Variants in YIPF4 observed in about 807,000 individuals in gnomAD.
YIPF4 encodes the protein protein YIPF4.
A neutral mutation model predicts 29.4 loss-of-function variants in YIPF4; 18 were observed. The ratio of observed to expected loss-of-function variants is 0.61; its 90% confidence interval spans 0.42 to 0.91. The LOEUF (loss-of-function observed/expected upper bound fraction) is 0.91. Ranked by LOEUF, YIPF4 falls within the 40% of genes least tolerant of loss-of-function variation. The pLI is 0.00. For synonymous variants in YIPF4, 115 were observed against 104.7 expected (o/e 1.10, Z -0.60); for missense variants, 279 against 282.7 (o/e 0.99, Z 0.09).
chr2:32,310,097 C>T lies in YIPF4; in HGVS notation c.*4471C>T, dbSNP rs980513805. 6.6e-6 allele frequency: 1 copy of T among 152,242 alleles called. No individual in the cohort carries two copies. The highest frequency in any genetic ancestry group is 2.4e-5 in the African/African-American group (1 of 41,468). 9.4% of individuals were successfully genotyped at this position (152,242 alleles called of 1,614,324 possible). On this transcript the variant is annotated 3_prime_UTR_variant, in exon 6 of 6. Transcript: ENST00000238831. The stretch of plus-strand genomic sequence containing the variant: ...CTAAAAATCACCCTTACCCAATTCT[C>T]TGCACTGACATATGTACACAAAGTA...
intron 3 of YIPF4, among the ~76,000 whole-genome samples, chr2:32,292,951 C>A (rs1381119875): frequency 2.0e-5 from 3 of 151,056 alleles, no homozygotes; most frequent in Admixed American, 2.0e-4. Flanking sequence ...GACCAGAAGT[C>A]ACTAGAAGGT....
intron 3 of YIPF4, among the ~76,000 whole-genome samples, chr2:32,293,113 T>G (rs546124420): frequency 0.016 from 2,444 of 151,904 alleles, 51 homozygotes; most frequent in African/African-American, 0.057. Context: ...TCTTGGGTGT[T>G]TCTCGCAGAG....
intron 2 of YIPF4, among the ~76,000 whole-genome samples, chr2:32,291,377 A>G (rs899959986): frequency 1.3e-5 from 2 of 152,200 alleles, no homozygotes; most frequent in Admixed American, 1.3e-4. Flanking sequence ...TCTACTAAAA[A>G]TACAAAAAAA....
intron 1 of YIPF4, among the ~76,000 whole-genome samples, chr2:32,290,259 C>CGTTTTTTCACTT (rs2030851587): frequency 6.6e-6 from 1 of 152,058 alleles, no homozygotes; most frequent in South Asian, 2.1e-4. Context: ...AGCTGTGAAA[C>CGTTTTTTCACTT]CTTTTGTACG....
chr2:32,301,193 T>C (rs2031391543), intron 4 of YIPF4, among the ~76,000 whole-genome samples, 189 bp from the exon 5 acceptor site: 1 of 152,224 alleles, frequency 6.6e-6, no homozygotes, highest in Non-Finnish European at 1.5e-5. Flanking sequence ...GAAACCATGT[T>C]GGTTGGTGAG....
Position 32,306,239 on chromosome 2 carries a change from G to T in YIPF4, c.*613G>T, listed in dbSNP as rs2031578067. 2 of 929,492 alleles carry T rather than the reference G, an allele frequency of 2.2e-6. No homozygotes were observed. The allele number at this position is 929,492 out of a possible 1,614,324, so 57.6% of individuals were successfully genotyped here. A position where few individuals can be genotyped will look rare whatever the true frequency, so the allele number is the denominator to read the frequency against. On this transcript the variant is annotated 3_prime_UTR_variant, in exon 6 of 6. Coordinates refer to ENST00000238831, the MANE Select transcript of YIPF4 (RefSeq NM_032312.4). ...CTCACACATGCTTCGATACTTCCTT[G>T]TTAAGAATTCTTAATAACTACTAAA...
rs902837069 is a variant in YIPF4 at position 32,312,329 on chromosome 2, A to T, written c.*6703A>T. ...CGGTGAAACCCTGACTCTACTAAAA[A>T]TACCAAAAATTAGCCGGGCGTGGCA... On this transcript the variant is annotated 3_prime_UTR_variant, in exon 6 of 6. Transcript: ENST00000238831. 6.6e-5 allele frequency: 10 copies of T among 151,440 alleles called. No homozygotes were observed. Among genetic ancestry groups the T allele is most frequent in the African/African-American group, 2.4e-4 (10 of 41,166 alleles). 9.4% of individuals were successfully genotyped at this position (151,440 alleles called of 1,614,324 possible).
rs2031838844 is a variant in YIPF4 at position 32,316,539 on chromosome 2, G to A, written c.*10913G>A. 1 of 152,130 alleles carries A rather than the reference G, an allele frequency of 6.6e-6. No homozygotes were observed. Among genetic ancestry groups the A allele is most frequent in the Non-Finnish European group, 1.5e-5 (1 of 68,038 alleles). 9.4% of individuals were successfully genotyped at this position (152,130 alleles called of 1,614,324 possible). A position where few individuals can be genotyped will look rare whatever the true frequency, so the allele number is the denominator to read the frequency against. ...CTATTGAAATGCATCTGTGTCAATG[G>A]TAAATAGTATTATTGTAAGTACAAC... is the stretch of plus-strand genomic sequence containing the variant. On this transcript the variant is annotated 3_prime_UTR_variant, in exon 6 of 6. Coordinates refer to ENST00000238831, the MANE Select transcript of YIPF4 (RefSeq NM_032312.4).
intron 1 of YIPF4, among the ~76,000 whole-genome samples, chr2:32,282,933 C>CGGG (rs1376876595): frequency 6.6e-6 from 1 of 151,408 alleles, no homozygotes; most frequent in Non-Finnish European, 1.5e-5. Flanking sequence ...AAAAATTAGC[C>CGGG]GGGGGTGGTG....
rs895778746 is a variant in YIPF4, at chr2:32,314,683, TAAAA to T, written c.*9061_*9064del. 9.9e-5 allele frequency: 15 copies of T among 151,654 alleles called. No homozygotes were observed. Among genetic ancestry groups the T allele is most frequent in the African/African-American group, 2.9e-4 (12 of 41,366 alleles). The allele number at this position is 151,654 out of a possible 1,614,324, so 9.4% of individuals were successfully genotyped here. On this transcript the variant is annotated 3_prime_UTR_variant, in exon 6 of 6. Transcript: ENST00000238831. ...AGCAAAACTTCGTCTCAAAAAAAAA[TAAAA>T]AAATAAGGCTCCAAGCGCTGTTGTG... is the stretch of plus-strand genomic sequence containing the variant.
chr2:32,305,694 G>A lies in YIPF4; in HGVS notation c.*68G>A. 1 of 1,346,812 alleles carries A rather than the reference G, an allele frequency of 7.4e-7. No individual in the cohort carries two copies. The highest frequency in any genetic ancestry group is 9.6e-7 in the Non-Finnish European group (1 of 1,045,340). The allele number at this position is 1,346,812 out of a possible 1,614,324, so 83.4% of individuals were successfully genotyped here. ...GTGTAGGCTGGGAATTCTTGCTGAAGGAATTGGAGAAAACCTGTTGCTGCA... is the reference window on the plus strand; with the variant it reads ...GTGTAGGCTGGGAATTCTTGCTGAAAGAATTGGAGAAAACCTGTTGCTGCA... On this transcript the variant is annotated 3_prime_UTR_variant, in exon 6 of 6. Transcript: ENST00000238831.
intron 3 of YIPF4, among the ~76,000 whole-genome samples, chr2:32,293,936 G>T (rs1345865780): frequency 1.7e-4 from 23 of 137,920 alleles, no homozygotes; most frequent in Admixed American, 8.5e-4. Context: ...CTGGCCGGGC[G>T]GGGGGCTGAC....
chr2:32,314,141 T>A lies in YIPF4; in HGVS notation c.*8515T>A, dbSNP rs1000772176. On this transcript the variant is annotated 3_prime_UTR_variant, in exon 6 of 6. Coordinates refer to ENST00000238831, the MANE Select transcript of YIPF4 (RefSeq NM_032312.4). ...ATTCAAATAGCCAAAAACGGGAACA[T>A]GTCCATCAACACAGAATAGACAAGT... The A allele has an allele frequency of 2.6e-5, 4 of 152,230 alleles. No individual in the cohort carries two copies. The highest frequency in any genetic ancestry group is 4.8e-5 in the African/African-American group (2 of 41,454). 9.4% of individuals were successfully genotyped at this position (152,230 alleles called of 1,614,324 possible). A position where few individuals can be genotyped will look rare whatever the true frequency, so the allele number is the denominator to read the frequency against.
chr2:32,288,998 A>G (rs1250128532), intron 1 of YIPF4, among the ~76,000 whole-genome samples: 1 of 152,144 alleles, frequency 6.6e-6, no homozygotes, highest in Non-Finnish European at 1.5e-5. Context: ...CTTTGTATCT[A>G]TTAGAAATAG....
chr2:32,291,268 C>T (rs1041603094), intron 2 of YIPF4, among the ~76,000 whole-genome samples: 2 of 152,226 alleles, frequency 1.3e-5, no homozygotes, highest in Non-Finnish European at 2.9e-5. Context: ...GGCATAGTGG[C>T]CCACGCCAGT....
intron 3 of YIPF4, among the ~76,000 whole-genome samples, chr2:32,295,349 C>G (rs1329981320): frequency 1.3e-5 from 2 of 152,136 alleles, no homozygotes; most frequent in Non-Finnish European, 2.9e-5. Flanking sequence ...TAAACTGCTA[C>G]AAGCTTAGTG....
Position 32,305,578 on chromosome 2 carries a change from A to G in YIPF4, c.687A>G (p.Pro229=), listed in dbSNP as rs150598541. The change falls in exon 6 of 6, where the codon CCA becomes CCG. Residue 229 remains proline, a synonymous_variant. Transcript: ENST00000238831. ...CCAAAAAGCCTCTTCTGATTTATCCAATCTTTTTATTATACATTTATTTTT... is the reference window on the plus strand; with the variant it reads ...CCAAAAAGCCTCTTCTGATTTATCCGATCTTTTTATTATACATTTATTTTT... ...FKTKKPLLIY[P]IFLLYIYFLS... is the part of the protein sequence containing the mutation. 653 of 1,609,098 alleles carry G rather than the reference A, an allele frequency of 4.1e-4. 12 individuals carry two copies. The East Asian group carries it at 0.012, about 30-fold the overall frequency.
rs952281992 is a variant in YIPF4, at chr2:32,307,939, A to C, written c.*2313A>C. 6.6e-6 allele frequency: 1 copy of C among 151,236 alleles called. No individual in the cohort carries two copies. Among genetic ancestry groups the C allele is most frequent in the African/African-American group, 2.4e-5 (1 of 41,216 alleles). The allele number at this position is 151,236 out of a possible 1,614,324, so 9.4% of individuals were successfully genotyped here. A position where few individuals can be genotyped will look rare whatever the true frequency, so the allele number is the denominator to read the frequency against. On this transcript the variant is annotated 3_prime_UTR_variant, in exon 6 of 6. Coordinates refer to ENST00000238831, the MANE Select transcript of YIPF4 (RefSeq NM_032312.4). ...GAGCAAGACTCTCTCAAAAAAAAAA[A>C]AAAAAAAAAAAAAAACCATGATTTG...
chr2:32,291,208 G>C (rs552434978), intron 2 of YIPF4, among the ~76,000 whole-genome samples: 92 of 152,324 alleles, frequency 6.0e-4, no homozygotes, highest in African/African-American at 2.1e-3. Context: ...AGTAGAGTAA[G>C]TGCTGAAACA....
Sources: allele counts gnomAD v4.1 joint callset (sites outside exome capture counted in the v4.1 genomes callset), GRCh38; gene constraint gnomAD v4.1.1; transcripts MANE v1.5; gene names NCBI Gene and HGNC (gene_info 2026-07-23, HGNC 2026-07-21).